The following NELL1 variants were observed in gnomAD, a reference collection of about 807,000 sequenced individuals.
NELL1 encodes the protein neural EGFL like 1.
In NELL1, 76 loss-of-function variants were observed where a neutral mutation model predicts 107.4. That is an observed-to-expected ratio of 0.71 (90% confidence interval 0.59 to 0.86). NELL1 has a LOEUF of 0.86. Ranked by LOEUF, NELL1 falls within the 40% of genes least tolerant of loss-of-function variation. The probability of loss-of-function intolerance (pLI) is 0.00; values close to 1 mark genes in which losing one functional copy is unlikely to be tolerated. For missense variants in NELL1, 1,024 were observed against 1,005.5 expected, an observed-to-expected ratio of 1.02 and a Z score of -0.25; for synonymous variants, 353 against 341.2, an observed-to-expected ratio of 1.03 and a Z score of -0.38.
At chr11:21,547,055 G>A (rs1460133182) in intron 16 of NELL1, among the ~76,000 whole-genome samples, 1 of 151,914 alleles carries the variant, frequency 6.6e-6, no homozygotes, top group Non-Finnish European at 1.5e-5. Context: ...AGTGGAAGTG[G>A]ACAAGGATTT....
At chr11:20,699,183 C>T (rs908086438) in intron 2 of NELL1, among the ~76,000 whole-genome samples, 1 of 151,942 alleles carries the variant, frequency 6.6e-6, no homozygotes, top group African/African-American at 2.4e-5. Context: ...TACCACTGTA[C>T]TCCAGCCTGG....
chr11:21,077,901 T>A (rs1363276859), intron 12 of NELL1, among the ~76,000 whole-genome samples: 1 of 152,098 alleles, frequency 6.6e-6, no homozygotes, highest in Non-Finnish European at 1.5e-5. Flanking sequence ...AGGTAGCAGG[T>A]AAGATACAAC....
intron 15 of NELL1, among the ~76,000 whole-genome samples, chr11:21,503,005 C>T (rs752496111): frequency 5.9e-4 from 90 of 152,276 alleles, no homozygotes; most frequent in South Asian, 1.5e-3. Context: ...GCCTCAACCT[C>T]CCGAGTAGCT....
intron 2 of NELL1, among the ~76,000 whole-genome samples, chr11:20,768,121 A>T (rs1412955031): frequency 6.6e-6 from 1 of 152,212 alleles, no homozygotes; most frequent in African/African-American, 2.4e-5. Context: ...CGAACACTTC[A>T]TATGCTAGGT....
chr11:20,765,113 AT>A, intron 2 of NELL1, among the ~76,000 whole-genome samples: 1 of 152,230 alleles, frequency 6.6e-6, no homozygotes, highest in Non-Finnish European at 1.5e-5. Context: ...AGCTATGAAC[AT>A]GCTATTGCAC....
In NELL1 at chr11:21,482,113, T is replaced by C. The variant is rs543885183; in HGVS notation, c.1646-52261T>C. Among the ~76,000 whole-genome samples the C allele has an allele frequency of 7.2e-5, 11 of 152,366 alleles. 1 individual carries two copies. In the South Asian group the frequency reaches 2.3e-3, roughly 32 times the overall value. ...GAATTAACAAGTGAGATGACTAGTT[T>C]ATAGAATTGACAGAAAGATTAAAAA... On this transcript the variant is annotated intron_variant, in intron 15 of 19. Transcript: ENST00000357134.
At chr11:21,172,710 C>G (rs1856632512) in intron 13 of NELL1, among the ~76,000 whole-genome samples, 1 of 151,648 alleles carries the variant, frequency 6.6e-6, no homozygotes, top group South Asian at 2.1e-4. Context: ...TTACCGTATG[C>G]CACACACTAT....
At chr11:21,262,974 T>C (rs1477497504) in intron 14 of NELL1, among the ~76,000 whole-genome samples, 1 of 151,910 alleles carries the variant, frequency 6.6e-6, no homozygotes, top group Non-Finnish European at 1.5e-5. Flanking sequence ...TCTTCTAATA[T>C]CTGGAGACTT....
At chr11:20,696,791 C>T (rs949182867) in intron 2 of NELL1, among the ~76,000 whole-genome samples, 1 of 152,082 alleles carries the variant, frequency 6.6e-6, no homozygotes, top group African/African-American at 2.4e-5. Context: ...ATTGAACAGC[C>T]ACCCTCCTCA....
chr11:20,966,540 A>G (rs1224292852), intron 12 of NELL1, among the ~76,000 whole-genome samples: 7 of 152,062 alleles, frequency 4.6e-5, no homozygotes, highest in Non-Finnish European at 1.0e-4. Flanking sequence ...ACCTTGGGGT[A>G]TCTTTCTTTT....
chr11:21,483,816 T>C (rs1854551246), intron 15 of NELL1, among the ~76,000 whole-genome samples: 1 of 149,002 alleles, frequency 6.7e-6, no homozygotes, highest in African/African-American at 2.5e-5. Context: ...GTGGTTATTA[T>C]ACCCATCCAA....
chr11:21,375,970 G>A (rs760964720), intron 15 of NELL1, among the ~76,000 whole-genome samples: 1 of 152,030 alleles, frequency 6.6e-6, no homozygotes, highest in South Asian at 2.1e-4. Flanking sequence ...AGCATAGTTT[G>A]TGAAGATTTT....
At chr11:21,161,000 T>TAC (rs72029062) in intron 13 of NELL1, among the ~76,000 whole-genome samples, 34,948 of 142,862 alleles carry the variant, frequency 0.24, 4,231 homozygotes, top group Middle Eastern at 0.39. Flanking sequence ...CTAGCCTTTA[T>TAC]ACACACACAC....
rs764981942 is a variant in NELL1 at position 21,103,986 on chromosome 11, C to T, written c.1301-9603C>T. ...ATCCCACTGACATTTGGAAACTTTA[C>T]GGCCTATAGCATTTGGTAGCCTCTC... On this transcript the variant is annotated intron_variant, in intron 12 of 19. Coordinates refer to ENST00000357134, the MANE Select transcript of NELL1 (RefSeq NM_006157.5). Among the ~76,000 whole-genome samples, 11 of 152,298 alleles carry T rather than the reference C, an allele frequency of 7.2e-5. No homozygotes were observed. In the East Asian group the frequency reaches 1.2e-3, roughly 16 times the overall value.
At chr11:21,044,682 T>A (rs1341811847) in intron 12 of NELL1, among the ~76,000 whole-genome samples, 1 of 152,070 alleles carries the variant, frequency 6.6e-6, no homozygotes, top group East Asian at 1.9e-4. Context: ...GATAGGGGAA[T>A]GGACATGCCT....
intron 2 of NELL1, among the ~76,000 whole-genome samples, chr11:20,764,759 G>A (rs1856494710): frequency 1.2e-5 from 1 of 85,576 alleles, no homozygotes; most frequent in African/African-American, 5.1e-5. Context: ...TTGAGTCTGT[G>A]TTCACAAAAG....
chr11:20,928,525 T>C, intron 9 of NELL1, 46 bp downstream of exon 9: 1 of 1,435,676 alleles, frequency 7.0e-7, no homozygotes, highest in Non-Finnish European at 9.8e-7. Context: ...GTTTTGAGAT[T>C]TATTTATTTA....
intron 12 of NELL1, among the ~76,000 whole-genome samples, chr11:20,966,423 T>C (rs1202764056): frequency 6.6e-6 from 1 of 152,128 alleles, no homozygotes; most frequent in Non-Finnish European, 1.5e-5. Flanking sequence ...ATTCAAACCA[T>C]AGTAGAGATC....
intron 8 of NELL1, 45 bp from the exon 9 acceptor site, chr11:20,928,332 C>T (rs767122853): frequency 3.3e-6 from 5 of 1,531,342 alleles, no homozygotes. Flanking sequence ...CAGGAGCTAT[C>T]AAAGGATACT....
Sources: gnomAD v4.1 joint callset for allele counts (sites outside exome capture counted in the v4.1 genomes callset) on GRCh38, gnomAD v4.1.1 for gene constraint, MANE v1.5 for transcripts, NCBI Gene and HGNC (gene_info 2026-07-23, HGNC 2026-07-21) for gene names.